SALL2: variants seen among roughly 807,000 people sequenced by gnomAD.
SALL2 encodes the protein spalt like transcription factor 2, also known as sal-like protein 2.
A neutral mutation model predicts 58.5 loss-of-function variants in SALL2; 32 were observed. That is an observed-to-expected ratio of 0.55 (90% CI 0.41 to 0.74). SALL2 has a LOEUF of 0.74. Ranked by LOEUF, SALL2 falls within the 30% of genes least tolerant of loss-of-function variation. The pLI is 0.00. For missense variants in SALL2, 1,201 were observed against 1,268.9 expected (o/e 0.95, Z 0.81); for synonymous variants, 516 against 513.6 (o/e 1.00, Z -0.06).
Position 21,524,571 on chromosome 14 carries a change from C to T in SALL2, c.1151G>A (p.Ser384Asn). The T allele has an allele frequency of 6.2e-7, 1 of 1,614,248 alleles. No individual in the cohort carries two copies. Among genetic ancestry groups the T allele is most frequent in the Non-Finnish European group, 8.5e-7 (1 of 1,180,050 alleles). Residue 384 changes from serine to asparagine, a missense_variant, in exon 2 of 2, where the codon AGT becomes AAT. Physicochemically the swap from Ser to Asn is conservative, Grantham distance 46. Around this residue, in one of 3 missense-constraint regions of SALL2, gnomAD observed 59 missense variants for 116.2 expected, o/e 0.51. Transcript: ENST00000537235. ...GGAACGAAGGTGGATCTGCAGGGCACTGTCACTGCCAAATACTTTGGCACA... is the reference window on the plus strand; with the variant it reads ...GGAACGAAGGTGGATCTGCAGGGCATTGTCACTGCCAAATACTTTGGCACA... Reference protein sequence around the residue: ...RFCAKVFGSDSALQIHLRSHT... With the variant: ...RFCAKVFGSDNALQIHLRSHT...
chr14:21,530,989 C>G (rs960832651), upstream of SALL2, among the ~76,000 whole-genome samples: 6 of 152,188 alleles, frequency 3.9e-5, no homozygotes, highest in African/African-American at 1.4e-4. Flanking sequence ...ACTATTGCTA[C>G]TGACTACTTC....
chr14:21,526,001 C>CGGG, intron 1 of SALL2, 60 bp downstream of exon 1: 1 of 1,389,790 alleles, frequency 7.2e-7, no homozygotes, highest in Non-Finnish European at 9.9e-7. Context: ...AAAGTCTTCG[C>CGGG]CGCCCCTGCG....
rs1426863986 is a variant in SALL2, at chr14:21,525,447, G to C, written c.275C>G (p.Thr92Arg). Residue 92 changes from threonine to arginine, a missense_variant, in exon 2 of 2, where the codon ACA becomes AGA. By Grantham distance (71) the Thr-to-Arg change is moderately conservative (BLOSUM62 -1). Transcript: ENST00000537235. This position sits in a 1 kb window ranked among gnomAD's most constrained non-coding sequence, Gnocchi z 4.4. ...AGAATCTGGGGGGTTGCTATGCTCT[G>C]TGTCCATGACCTGAGGATTATTGTG... is the stretch of plus-strand genomic sequence containing the variant. ...EGHNNPQVMD[T>R]EHSNPPDSGS... The C allele has an allele frequency of 6.2e-7, 1 of 1,613,822 alleles. No homozygotes were observed. Among genetic ancestry groups the C allele is most frequent in the African/African-American group, 1.3e-5 (1 of 74,928 alleles).
At chr14:21,534,110 C>G (rs1445013317) in intron 1 of SALL2, among the ~76,000 whole-genome samples, 1 of 151,956 alleles carries the variant, frequency 6.6e-6, no homozygotes, top group Non-Finnish European at 1.5e-5. Context: ...TGGATGCTGC[C>G]CCATTCATGA....
chr14:21,524,937 G>A lies in SALL2; in HGVS notation c.785C>T (p.Ser262Phe), dbSNP rs77597189. Residue 262 changes from serine to phenylalanine, a missense_variant, in exon 2 of 2, where the codon TCT becomes TTT. This residue lies in a region of SALL2 where 467 missense variants were observed against 468.9 expected (regional missense o/e 1.00). Coordinates refer to ENST00000537235, the MANE Select transcript of SALL2 (RefSeq NM_001364564.1). ...LASSSSSSSSSSGAETPKQAF... is the reference protein window; with the variant it reads ...LASSSSSSSSFSGAETPKQAF... ...CTGCTTGGGCGTTTCTGCCCCTGAA[G>A]AGGAAGAGGAGGAGGAGGAGGAAGA... The A allele has an allele frequency of 6.0e-5, 97 of 1,614,154 alleles. No homozygotes were observed. The African/African-American group carries it at 1.2e-3, about 20-fold the overall frequency.
chr14:21,525,536 C>T lies in SALL2; in HGVS notation c.186G>A (p.Val62=), dbSNP rs1566512818. 6.2e-7 allele frequency: 1 copy of T among 1,613,956 alleles called. No homozygotes were observed. The highest frequency in any genetic ancestry group is 8.5e-7 in the Non-Finnish European group (1 of 1,179,972). ...NACSTDPPVM[V]IIGGQENPNN... ...TGGGGTTCTCCTGGCCCCCAATTATCACCATTACAGGAGGGTCAGTAGAAC... is the reference window on the plus strand; with the variant it reads ...TGGGGTTCTCCTGGCCCCCAATTATTACCATTACAGGAGGGTCAGTAGAAC... The change falls in exon 2 of 2, where the codon GTG becomes GTA. Residue 62 remains valine, a synonymous_variant. Coordinates refer to ENST00000537235, the MANE Select transcript of SALL2 (RefSeq NM_001364564.1). This position sits in a 1 kb window ranked among gnomAD's most constrained non-coding sequence, Gnocchi z 4.4.
chr14:21,522,401 G>C lies in SALL2; in HGVS notation c.*303C>G, dbSNP rs1892073340. On this transcript the variant is annotated 3_prime_UTR_variant, in exon 2 of 2. Coordinates refer to ENST00000537235, the MANE Select transcript of SALL2 (RefSeq NM_001364564.1). The stretch of plus-strand genomic sequence containing the variant: ...GCACCTACCAAAGGGAAAGGGAGAG[G>C]AGAGAGGAGGGGGAAGAAGGGTCAC... 1.1e-5 allele frequency: 16 copies of C among 1,423,076 alleles called. No individual in the cohort carries two copies. In the South Asian group the frequency reaches 2.5e-4, roughly 22 times the overall value. 88.2% of individuals were successfully genotyped at this position (1,423,076 alleles called of 1,614,324 possible).
rs765403386 is a variant in SALL2 at position 21,523,480 on chromosome 14, G to A, written c.2242C>T (p.Gln748Ter). The A allele has an allele frequency of 1.9e-6, 3 of 1,614,098 alleles. No homozygotes were observed. The highest frequency in any genetic ancestry group is 2.5e-6 in the Non-Finnish European group (3 of 1,180,034). Residue 748 changes from glutamine (Q) to a stop codon, truncating the protein, a stop_gained, in exon 2 of 2, where the codon CAG becomes TAG. Transcript: ENST00000537235. LOFTEE classifies it high-confidence loss of function. The surrounding 1 kb of genome is among the most constrained non-coding windows in gnomAD (Gnocchi z 4.4). ...STVSGARSFP[Q>*]QQSQQPSPEE... ...GGTGATGGCTGCTGGGACTGCTGCT[G>A]GGGGAAACTCCGTGCCCCGGAGACT... is the stretch of plus-strand genomic sequence containing the variant.
At chr14:21,526,440 G>T, upstream of SALL2, 1 of 1,343,162 alleles carries the variant, frequency 7.4e-7, no homozygotes, top group Non-Finnish European at 9.6e-7. Flanking sequence ...CGCTAGCGGG[G>T]GCGTGGGGGC....
chr14:21,535,871 C>A (rs1261179282), intron 1 of SALL2, among the ~76,000 whole-genome samples: 2 of 152,300 alleles, frequency 1.3e-5, no homozygotes, highest in South Asian at 4.1e-4. Context: ...ATTACCTGGA[C>A]AATTGCAAAA....
chr14:21,524,385 C>T lies in SALL2; in HGVS notation c.1337G>A (p.Ser446Asn), dbSNP rs1213361998. The stretch of plus-strand genomic sequence containing the variant: ...CACGGACATACCATAAGGCAAGCCA[C>T]TGCTGGTAATGACATAGTCTAGGTG... ...PEHLDYVITS[S>N]GLPYGMSVPP... The change falls in exon 2 of 2, where the codon AGT becomes AAT. Residue 446 changes from serine to asparagine, a missense_variant. This residue lies in a region of SALL2 where 59 missense variants were observed against 116.2 expected (regional missense o/e 0.51). Transcript: ENST00000537235. 1 of 1,614,200 alleles carries T rather than the reference C, an allele frequency of 6.2e-7. No individual in the cohort carries two copies. The highest frequency in any genetic ancestry group is 8.5e-7 in the Non-Finnish European group (1 of 1,180,042).
upstream of SALL2, among the ~76,000 whole-genome samples, chr14:21,530,035 C>CA (rs1420188014): frequency 1.3e-5 from 2 of 152,142 alleles, no homozygotes; most frequent in Non-Finnish European, 2.9e-5. Flanking sequence ...AATTGGGACA[C>CA]AGACAAAATG....
Position 21,522,294 on chromosome 14 carries a change from C to T in SALL2, c.*410G>A. On this transcript the variant is annotated 3_prime_UTR_variant, in exon 2 of 2. Coordinates refer to ENST00000537235, the MANE Select transcript of SALL2 (RefSeq NM_001364564.1). ...CACCAGCTGAGCAGAAAGGTCACCC[C>T]AGAGGAGTGGCACTGGGCCCTCCAG... 2.0e-6 allele frequency: 3 copies of T among 1,526,330 alleles called. No individual in the cohort carries two copies. The highest frequency in any genetic ancestry group is 1.2e-5 in the South Asian group (1 of 83,130). 94.5% of individuals were successfully genotyped at this position (1,526,330 alleles called of 1,614,324 possible).
exon 1 of SALL2, chr14:21,537,045 T>C: frequency 1.4e-6 from 1 of 725,940 alleles, no homozygotes; most frequent in South Asian, 1.6e-5. Flanking sequence ...CAAATCACTG[T>C]GAAGCAGAGA....
chr14:21,525,618 G>C lies in SALL2; in HGVS notation c.104C>G (p.Ala35Gly). The C allele has an allele frequency of 6.2e-7, 1 of 1,600,488 alleles. No homozygotes were observed. The highest frequency in any genetic ancestry group is 1.1e-5 in the South Asian group (1 of 88,276). The stretch of plus-strand genomic sequence containing the variant: ...GTCAGTGAATTGTGCGCAGCACTTG[G>C]CACAGACTTGGGGGTGATCCTCCTC... ...ASEEDHPQVC[A>G]KCCAQFTDPT... Residue 35 changes from alanine to glycine, a missense_variant, in exon 2 of 2, where the codon GCC (alanine) becomes GGC (glycine). Around this residue, in one of 3 missense-constraint regions of SALL2, gnomAD observed 467 missense variants for 468.9 expected, o/e 1.00. Coordinates refer to ENST00000537235, the MANE Select transcript of SALL2 (RefSeq NM_001364564.1). This position sits in a 1 kb window ranked among gnomAD's most constrained non-coding sequence, Gnocchi z 4.4.
intron 1 of SALL2, chr14:21,536,824 C>T (rs768009193): frequency 8.1e-6 from 13 of 1,609,136 alleles, no homozygotes; most frequent in Admixed American, 6.7e-5. Context: ...GACTTAGGGG[C>T]CCCCACCCCT....
intron 1 of SALL2, among the ~76,000 whole-genome samples, chr14:21,536,650 G>GT (rs1892604421): frequency 6.6e-6 from 1 of 152,204 alleles, no homozygotes; most frequent in Admixed American, 6.5e-5. Flanking sequence ...AACACAAACA[G>GT]AATCAATCCC....
Position 21,526,079 on chromosome 14 carries a change from C to T in SALL2, c.49G>A (p.Glu17Lys), listed in dbSNP as rs751966777. ...ACCGCACCTCCGAGCTCTGCCGGCT[C>T]CCCGCAGGGCACCCCGAGACGAGAG... ...RSSRLGVPCG[E>K]PAELGGDASE... The change falls in exon 1 of 2, where the codon GAG becomes AAG. Residue 17 changes from glutamate to lysine, a missense_variant. By Grantham distance (56) the Glu-to-Lys change is moderately conservative. Coordinates refer to ENST00000537235, the MANE Select transcript of SALL2 (RefSeq NM_001364564.1). 19 of 1,536,392 alleles carry T rather than the reference C, an allele frequency of 1.2e-5. No homozygotes were observed. The Admixed American group carries it at 2.2e-4, about 17-fold the overall frequency.
intron 1 of SALL2, chr14:21,536,800 C>A (rs772847812): frequency 6.5e-7 from 1 of 1,531,084 alleles, no homozygotes; most frequent in Non-Finnish European, 9.0e-7. Flanking sequence ...CCTGGCCTGA[C>A]CCACACAGGC....
Sources: allele counts gnomAD v4.1 joint callset (sites outside exome capture counted in the v4.1 genomes callset), GRCh38; gene constraint gnomAD v4.1.1; regional missense constraint gnomAD v4.1.1; non-coding constraint Gnocchi (gnomAD v3.1); transcripts MANE v1.5; gene names NCBI Gene and HGNC (gene_info 2026-07-23, HGNC 2026-07-21).